The following RTN1 variants were observed in gnomAD, a reference collection of about 807,000 sequenced individuals.
RTN1 encodes reticulon-1.
A neutral mutation model predicts 65.5 loss-of-function variants in RTN1; 25 were observed. The observed-to-expected ratio is 0.38, with a 90% CI of 0.28 to 0.53. The LOEUF is 0.53. RTN1 is among the 20% of genes least tolerant of loss of function. The pLI, the probability that RTN1 is intolerant of heterozygous loss-of-function variation, is 0.79. For missense variants in RTN1, 983 were observed against 1,025.4 expected (o/e 0.96, Z 0.57); for synonymous variants, 471 against 447.6 (o/e 1.05, Z -0.66).
chr14:59,687,715 C>G (rs962675106), intron 3 of RTN1, among the ~76,000 whole-genome samples: 3 of 151,954 alleles, frequency 2.0e-5, no homozygotes, highest in Admixed American at 2.0e-4. Flanking sequence ...ACTCACTTAC[C>G]TGGATTAGCA....
intron 1 of RTN1, among the ~76,000 whole-genome samples, chr14:59,749,871 A>G (rs118064843): frequency 0.36 from 40,230 of 110,758 alleles, 7,509 homozygotes; most frequent in Middle Eastern, 0.43. Flanking sequence ...GTATATTTAT[A>G]TATCTATATA....
chr14:59,801,317 TG>T (rs1466298919), intron 1 of RTN1, among the ~76,000 whole-genome samples: 1 of 152,158 alleles, frequency 6.6e-6, no homozygotes, highest in Non-Finnish European at 1.5e-5. Context: ...GTCAGTCTGC[TG>T]AGAACTAAAG....
intron 3 of RTN1, among the ~76,000 whole-genome samples, chr14:59,636,741 T>C (rs1463739792): frequency 6.6e-6 from 1 of 152,212 alleles, no homozygotes; most frequent in Non-Finnish European, 1.5e-5. Flanking sequence ...AGTCACATGA[T>C]TTTTGGGGTT....
intron 1 of RTN1, among the ~76,000 whole-genome samples, chr14:59,761,178 A>G (rs1257886465): frequency 2.0e-5 from 3 of 152,176 alleles, no homozygotes; most frequent in South Asian, 2.1e-4. Context: ...GAAAGACATT[A>G]AAGTCAGAAG....
chr14:59,768,612 G>A (rs562025928), intron 1 of RTN1, among the ~76,000 whole-genome samples: 3 of 152,212 alleles, frequency 2.0e-5, no homozygotes, highest in East Asian at 3.9e-4. Context: ...CAATGACTCA[G>A]GGTTGGAAAG....
At chr14:59,869,913 T>C (rs1185033305) in intron 1 of RTN1, among the ~76,000 whole-genome samples, 2 of 152,038 alleles carry the variant, frequency 1.3e-5, no homozygotes, top group East Asian at 3.9e-4. Context: ...GCCACATCTC[T>C]GCCCTGGACA....
intron 1 of RTN1, among the ~76,000 whole-genome samples, chr14:59,860,510 C>G (rs1401266745): frequency 6.6e-6 from 1 of 152,212 alleles, no homozygotes. Context: ...GAGCCCCACA[C>G]AGACTCCCTA....
chr14:59,620,891 G>T (rs892558476), intron 3 of RTN1, among the ~76,000 whole-genome samples: 1 of 152,196 alleles, frequency 6.6e-6, no homozygotes, highest in Non-Finnish European at 1.5e-5. Context: ...ACAACCCTGG[G>T]GTTCAGGCTG....
intron 3 of RTN1, among the ~76,000 whole-genome samples, chr14:59,614,923 G>A (rs1277046961): frequency 2.0e-5 from 3 of 152,192 alleles, no homozygotes; most frequent in Admixed American, 2.0e-4. Context: ...GGTATGTAGG[G>A]AATGTGTTTT....
intron 1 of RTN1, among the ~76,000 whole-genome samples, chr14:59,845,400 A>T (rs1887390422): frequency 6.6e-6 from 1 of 152,186 alleles, no homozygotes. Flanking sequence ...GGAAACTTAA[A>T]TAATTCTTAA....
intron 1 of RTN1, among the ~76,000 whole-genome samples, chr14:59,750,007 C>T (rs1472599673): frequency 4.0e-5 from 3 of 74,784 alleles, no homozygotes; most frequent in African/African-American, 1.2e-4. Context: ...ATATTATATA[C>T]ATATATATTA....
chr14:59,694,932 A>G (rs1186559619), intron 3 of RTN1, among the ~76,000 whole-genome samples: 1 of 152,228 alleles, frequency 6.6e-6, no homozygotes, highest in Non-Finnish European at 1.5e-5. Context: ...CAGTGTGGAC[A>G]GCAAACTGCT....
Position 59,603,831 on chromosome 14 carries a change from TAC to T in RTN1, c.2182+19_2182+20del. 2 of 1,595,484 alleles carry T rather than the reference TAC, an allele frequency of 1.3e-6. No individual in the cohort carries two copies. The highest frequency in any genetic ancestry group is 1.3e-5 in the African/African-American group (1 of 74,602). On this transcript the variant is annotated intron_variant, in intron 6 of 8. Coordinates refer to ENST00000267484, the MANE Select transcript of RTN1 (RefSeq NM_021136.3). ...CACAGAGGGGGTGAAGGAAGACGTA[TAC>T]AGTCTTATCTGCTCTTACCCATGAG...
intron 3 of RTN1, among the ~76,000 whole-genome samples, chr14:59,637,939 C>T (rs1232095020): frequency 6.6e-6 from 1 of 151,828 alleles, no homozygotes; most frequent in Non-Finnish European, 1.5e-5. Flanking sequence ...GCAACTTCCG[C>T]CTCCTGGGTT....
intron 3 of RTN1, among the ~76,000 whole-genome samples, chr14:59,665,663 C>T (rs958796339): frequency 6.6e-6 from 1 of 152,122 alleles, no homozygotes; most frequent in African/African-American, 2.4e-5. Flanking sequence ...GATAAAGAGT[C>T]AAGACCCATC....
At chr14:59,675,315 T>C (rs1217680368) in intron 3 of RTN1, among the ~76,000 whole-genome samples, 3 of 151,942 alleles carry the variant, frequency 2.0e-5, no homozygotes, top group Non-Finnish European at 4.4e-5. Flanking sequence ...GGACTGCATG[T>C]GGAGAGTCTT....
chr14:59,631,291 A>G (rs933400731), intron 3 of RTN1, among the ~76,000 whole-genome samples: 16 of 152,208 alleles, frequency 1.1e-4, no homozygotes, highest in African/African-American at 2.9e-4. Flanking sequence ...TCCATGTCAG[A>G]ATGCGGTGCC....
At chr14:59,839,470 T>C (rs1455913548) in intron 1 of RTN1, among the ~76,000 whole-genome samples, 2 of 152,176 alleles carry the variant, frequency 1.3e-5, no homozygotes, top group African/African-American at 4.8e-5. Flanking sequence ...ATATTAAGCA[T>C]TGATAATCTT....
intron 4 of RTN1, chr14:59,605,762 G>A (rs1881723607): frequency 6.0e-6 from 2 of 332,198 alleles, no homozygotes; most frequent in South Asian, 2.2e-4. Flanking sequence ...GCATGGGTGG[G>A]CTGAAAATTC....
Sources: gnomAD v4.1 joint callset for allele counts (sites outside exome capture counted in the v4.1 genomes callset) on GRCh38, gnomAD v4.1.1 for gene constraint, MANE v1.5 for transcripts, NCBI Gene and HGNC (gene_info 2026-07-23, HGNC 2026-07-21) for gene names.